FARS2: variants seen among roughly 807,000 people sequenced by gnomAD.
FARS2 encodes phenylalanyl-tRNA synthetase 2, mitochondrial.
A neutral mutation model predicts 46.4 loss-of-function variants in FARS2; 40 were observed. That is an observed-to-expected ratio of 0.86 (90% CI 0.67 to 1.12). The LOEUF is 1.12. Ranked by LOEUF, FARS2 falls within the 50% of genes most tolerant of loss-of-function variation. FARS2 has a pLI of 0.00. For missense variants in FARS2, 513 were observed against 567.9 expected, an observed-to-expected ratio of 0.90 and a Z score of 0.98; for synonymous variants, 234 against 214.9, an observed-to-expected ratio of 1.09 and a Z score of -0.78.
chr6:5,426,040 A>T (rs149190121), intron 3 of FARS2, among the ~76,000 whole-genome samples: 5 of 152,094 alleles, frequency 3.3e-5, no homozygotes, highest in African/African-American at 9.7e-5. Flanking sequence ...TTCCTAAAGT[A>T]TACTTTCTTT....
chr6:5,675,199 GACACACACACACACACACACACAC>G (rs3057239), intron 6 of FARS2, among the ~76,000 whole-genome samples: 1 of 144,954 alleles, frequency 6.9e-6, no homozygotes, highest in Non-Finnish European at 1.5e-5. Flanking sequence ...TTTGCAGATA[GACACACACACACACACACACACAC>G]ACACACACAC....
chr6:5,574,546 G>A (rs1262599193), intron 5 of FARS2, among the ~76,000 whole-genome samples: 1 of 152,106 alleles, frequency 6.6e-6, no homozygotes, highest in African/African-American at 2.4e-5. Context: ...GAAATACTTT[G>A]TGGCAATGAA....
At chr6:5,336,939 A>G (rs575743496) in intron 1 of FARS2, among the ~76,000 whole-genome samples, 1 of 152,228 alleles carries the variant, frequency 6.6e-6, no homozygotes, top group East Asian at 1.9e-4. Context: ...TTTCTTTTGT[A>G]AAACAGTCAT....
At chr6:5,580,932 A>C (rs1773293382) in intron 5 of FARS2, among the ~76,000 whole-genome samples, 1 of 152,216 alleles carries the variant, frequency 6.6e-6, no homozygotes, top group African/African-American at 2.4e-5. Context: ...TGAACGATAA[A>C]CAGAACCTTT....
intron 4 of FARS2, among the ~76,000 whole-genome samples, chr6:5,464,564 C>G (rs147756688): frequency 1.3e-5 from 2 of 152,314 alleles, no homozygotes; most frequent in East Asian, 1.9e-4. Flanking sequence ...CTTACCTTTA[C>G]TCAATTGCCA....
intron 1 of FARS2, among the ~76,000 whole-genome samples, chr6:5,332,420 A>G (rs141864340): frequency 6.6e-6 from 1 of 152,340 alleles, no homozygotes; most frequent in African/African-American, 2.4e-5. Context: ...AAAGAAGTAT[A>G]TGGTTATAAA....
At chr6:5,333,437 T>G (rs185343623) in intron 1 of FARS2, among the ~76,000 whole-genome samples, 1 of 152,346 alleles carries the variant, frequency 6.6e-6, no homozygotes, top group Admixed American at 6.5e-5. Flanking sequence ...GTGCTGCTTC[T>G]TCCAGTTTGA....
At chr6:5,622,847 T>G (rs984184386) in intron 6 of FARS2, among the ~76,000 whole-genome samples, 1 of 152,248 alleles carries the variant, frequency 6.6e-6, no homozygotes, top group Admixed American at 6.5e-5. Flanking sequence ...ATAGCTCATT[T>G]TCGTCTTCCT....
intron 4 of FARS2, among the ~76,000 whole-genome samples, chr6:5,443,889 C>T (rs1763980569): frequency 1.3e-5 from 2 of 152,208 alleles, no homozygotes; most frequent in African/African-American, 2.4e-5. Context: ...TTCCTCTTCA[C>T]CTCCCTTTCT....
chr6:5,249,988 A>G, the FARS2 span, among the ~76,000 whole-genome samples: 1 of 152,218 alleles, frequency 6.6e-6, no homozygotes, highest in South Asian at 2.1e-4. Context: ...AGCCATTTCA[A>G]ACAGAATGTT....
At chr6:5,703,199 A>C (rs1198772263) in intron 6 of FARS2, among the ~76,000 whole-genome samples, 1 of 152,220 alleles carries the variant, frequency 6.6e-6, no homozygotes, top group Admixed American at 6.5e-5. Flanking sequence ...TGGTAGCCAC[A>C]GGGATGGGAG....
chr6:5,740,612 T>C (rs192522449), intron 6 of FARS2, among the ~76,000 whole-genome samples: 2 of 152,204 alleles, frequency 1.3e-5, no homozygotes, highest in East Asian at 1.9e-4. Context: ...CGTTTCCAGA[T>C]GCTATGTTTT....
At chr6:5,416,632 G>T (rs1212202118) in intron 3 of FARS2, among the ~76,000 whole-genome samples, 1 of 152,010 alleles carries the variant, frequency 6.6e-6, no homozygotes, top group Non-Finnish European at 1.5e-5. Context: ...TGTTATTATT[G>T]ATGTTGTTGG....
chr6:5,500,509 C>T (rs1485309628), intron 4 of FARS2, among the ~76,000 whole-genome samples: 2 of 152,182 alleles, frequency 1.3e-5, no homozygotes, highest in East Asian at 1.9e-4. Context: ...CAAGGCCAGG[C>T]GCCTCAGATG....
chr6:5,349,612 T>G (rs1407279308), intron 1 of FARS2, among the ~76,000 whole-genome samples: 1 of 152,236 alleles, frequency 6.6e-6, no homozygotes, highest in Non-Finnish European at 1.5e-5. Context: ...CTGGTACATT[T>G]GATGCAATTA....
At chr6:5,463,447 T>A (rs1765353737) in intron 4 of FARS2, among the ~76,000 whole-genome samples, 1 of 152,216 alleles carries the variant, frequency 6.6e-6, no homozygotes, top group African/African-American at 2.4e-5. Context: ...ATGGGCTGAC[T>A]TTCTTGTCAT....
At chr6:5,629,052 T>C (rs1776168644) in intron 6 of FARS2, among the ~76,000 whole-genome samples, 1 of 152,186 alleles carries the variant, frequency 6.6e-6, no homozygotes, top group African/African-American at 2.4e-5. Flanking sequence ...TCCTTATAGC[T>C]AGAACGGCTG....
intron 4 of FARS2, among the ~76,000 whole-genome samples, chr6:5,434,757 T>G (rs1188507234): frequency 1.3e-5 from 2 of 150,302 alleles, no homozygotes; most frequent in African/African-American, 5.0e-5. Flanking sequence ...TGCTCTCCCT[T>G]CCTTCTTCCT....
intron 6 of FARS2, among the ~76,000 whole-genome samples, chr6:5,768,860 A>G (rs1393249131): frequency 2.0e-5 from 3 of 152,128 alleles, no homozygotes; most frequent in Admixed American, 6.5e-5. Context: ...AGTTCTTTGT[A>G]TATTCTAGAT....
Sources: allele counts gnomAD v4.1 joint callset (sites outside exome capture counted in the v4.1 genomes callset), GRCh38; gene constraint gnomAD v4.1.1; transcripts MANE v1.5; gene names NCBI Gene and HGNC (gene_info 2026-07-23, HGNC 2026-07-21).